ZNF71: variants seen among roughly 807,000 people sequenced by gnomAD.
ZNF71 encodes endothelial zinc finger protein induced by tumor necrosis factor alpha.
In ZNF71, 3 loss-of-function variants were observed where a neutral mutation model predicts 6.7. The ratio of observed to expected loss-of-function variants is 0.45; its 90% CI spans 0.20 to 1.16. The LOEUF (loss-of-function observed/expected upper bound fraction) is 1.16, where lower values mean the gene tolerates loss of function less well. Ranked by LOEUF, ZNF71 falls within the 50% of genes most tolerant of loss-of-function variation. The probability of loss-of-function intolerance (pLI) is 0.25; values close to 1 mark genes in which losing one functional copy is unlikely to be tolerated. For synonymous variants in ZNF71, 343 were observed against 311.1 expected (o/e 1.10, Z -1.08); for missense variants, 688 against 728.6 (o/e 0.94, Z 0.64).
chr19:56,612,298 G>C (rs981246938), intron 2 of ZNF71, among the ~76,000 whole-genome samples: 2 of 152,092 alleles, frequency 1.3e-5, no homozygotes, highest in Non-Finnish European at 2.9e-5. Context: ...GTCAACCTAA[G>C]TGCCCATCAA....
intron 3 of ZNF71, among the ~76,000 whole-genome samples, chr19:56,617,107 C>CTTTTTTTTTTTTTTTTTTTTTTTTTTTTT (rs200131241): frequency 8.5e-6 from 1 of 117,096 alleles, no homozygotes; most frequent in Admixed American, 8.2e-5. Flanking sequence ...CTTCCATTTT[C>CTTTTTTTTTTTTTTTTTTTTTTTTTTTTT]TTTTGTTTTT....
At chr19:56,606,345 A>G (rs1794723279) in intron 2 of ZNF71, among the ~76,000 whole-genome samples, 1 of 152,214 alleles carries the variant, frequency 6.6e-6, no homozygotes, top group Non-Finnish European at 1.5e-5. Flanking sequence ...TAGAATATGT[A>G]TTAGATACCA....
intron 3 of ZNF71, among the ~76,000 whole-genome samples, chr19:56,620,454 G>A (rs2044834876): frequency 6.6e-6 from 1 of 152,132 alleles, no homozygotes; most frequent in South Asian, 2.1e-4. Flanking sequence ...AAGGAGTAGA[G>A]AATAACCAAC....
intron 1 of ZNF71, among the ~76,000 whole-genome samples, chr19:56,597,841 T>C (rs1392476023): frequency 6.6e-6 from 1 of 152,188 alleles, no homozygotes; most frequent in Non-Finnish European, 1.5e-5. Context: ...TGCTGGGTTA[T>C]GGGATTTGTG....
intron 2 of ZNF71, among the ~76,000 whole-genome samples, chr19:56,612,396 CACATACACACAT>C (rs1206721879): frequency 6.6e-6 from 1 of 152,074 alleles, no homozygotes; most frequent in Non-Finnish European, 1.5e-5. Context: ...CACATTTATA[CACATACACACAT>C]ACATACACAC....
rs2044876727 is a variant in ZNF71, at chr19:56,622,921, C to T, written c.*164C>T. On this transcript the variant is annotated 3_prime_UTR_variant, in exon 4 of 4. Coordinates refer to ENST00000599599, the MANE Select transcript of ZNF71 (RefSeq NM_001370215.1). ...GAGGGGCTGGCTGATCACACATGCC[C>T]CCTCCTTACTGAGCCTCAGAAAGCA... The T allele has an allele frequency of 1.1e-6, 1 of 897,834 alleles. No homozygotes were observed. Among genetic ancestry groups the T allele is most frequent in the Admixed American group, 3.0e-5 (1 of 33,734 alleles). The allele number at this position is 897,834 out of a possible 1,614,324, so 55.6% of individuals were successfully genotyped here.
chr19:56,602,498 C>A (rs2044678540), intron 2 of ZNF71, among the ~76,000 whole-genome samples: 1 of 152,162 alleles, frequency 6.6e-6, no homozygotes, highest in Non-Finnish European at 1.5e-5. Context: ...TGCAATATTG[C>A]ACCATGATAA....
rs142952966 is a variant in ZNF71, at chr19:56,622,733, G to T, written c.1626G>T (p.Thr542=). 6.2e-7 allele frequency: 1 copy of T among 1,605,604 alleles called. No individual in the cohort carries two copies. Among genetic ancestry groups the T allele is most frequent in the East Asian group, 2.2e-5 (1 of 44,782 alleles). Residue 542 remains threonine, a synonymous_variant, in exon 4 of 4, where the codon ACG becomes ACT. Transcript: ENST00000599599. ...CCTTCAGCCGCAACACGAACCTGAC[G>T]CGCCACCTGCGGATTCACACCTGAG... ...GKTFSRNTNL[T]RHLRIHT is the part of the protein sequence containing the mutation.
At chr19:56,621,217 C>G in intron 3 of ZNF71, 51 bp from the exon 4 acceptor site, 2 of 1,500,700 alleles carry the variant, frequency 1.3e-6, no homozygotes. Context: ...TTCCTCACTC[C>G]CAGCATCTTT....
intron 1 of ZNF71, among the ~76,000 whole-genome samples, chr19:56,599,708 T>C (rs1441683187): frequency 1.3e-5 from 2 of 151,484 alleles, no homozygotes; most frequent in Non-Finnish European, 2.9e-5. Flanking sequence ...TTTTTTTTTT[T>C]TTTGAGATGG....
At chr19:56,612,378 ATGTATATCACATTT>A (rs2044758325) in intron 2 of ZNF71, among the ~76,000 whole-genome samples, 1 of 152,238 alleles carries the variant, frequency 6.6e-6, no homozygotes, top group South Asian at 2.1e-4. Context: ...TATAATATAT[ATGTATATCACATTT>A]ATACACATAC....
intron 2 of ZNF71, among the ~76,000 whole-genome samples, chr19:56,608,688 G>T (rs2032910198): frequency 6.6e-6 from 1 of 152,106 alleles, no homozygotes; most frequent in Admixed American, 6.5e-5. Flanking sequence ...AGGAACTGGG[G>T]ATCATTCGGG....
Position 56,621,553 on chromosome 19 carries a change from T to A in ZNF71, c.446T>A (p.Val149Asp). 1.9e-6 allele frequency: 3 copies of A among 1,614,142 alleles called. No homozygotes were observed. The highest frequency in any genetic ancestry group is 2.5e-6 in the Non-Finnish European group (3 of 1,180,032). Residue 149 changes from valine to aspartate, a missense_variant, in exon 4 of 4, where the codon GTC becomes GAC. Coordinates refer to ENST00000599599, the MANE Select transcript of ZNF71 (RefSeq NM_001370215.1). ...TTTGCCAACCAAGGCTGTGTCCTGG[T>A]CCCACCACGGCTGGACGACCCCACA... Reference protein sequence around the residue: ...KAFANQGCVLVPPRLDDPTEK... With the variant: ...KAFANQGCVLDPPRLDDPTEK...
chr19:56,601,325 A>G (rs946577201), intron 1 of ZNF71, among the ~76,000 whole-genome samples, 182 bp from the exon 2 acceptor site: 3 of 151,940 alleles, frequency 2.0e-5, no homozygotes, highest in African/African-American at 7.3e-5. Flanking sequence ...ATCAAGTGAT[A>G]TACATTCAAG....
chr19:56,601,669 C>T, intron 2 of ZNF71, 78 bp downstream of exon 2: 1 of 922,572 alleles, frequency 1.1e-6, no homozygotes, highest in Non-Finnish European at 1.3e-6. Flanking sequence ...CTCGAACCCT[C>T]TCCAAGGCCC....
chr19:56,608,024 T>C (rs1486401377), intron 2 of ZNF71, among the ~76,000 whole-genome samples: 3 of 152,194 alleles, frequency 2.0e-5, no homozygotes, highest in Non-Finnish European at 2.9e-5. Flanking sequence ...CCAAAGTGAG[T>C]AATCCAAGGG....
At position 56,622,012 on chromosome 19, in the gene ZNF71, A is replaced by C; in HGVS notation, c.905A>C (p.Tyr302Ser). 1 of 1,613,256 alleles carries C rather than the reference A, an allele frequency of 6.2e-7. No homozygotes were observed. Among genetic ancestry groups the C allele is most frequent in the Non-Finnish European group, 8.5e-7 (1 of 1,179,584 alleles). The change falls in exon 4 of 4, where the codon TAC becomes TCC. Residue 302 changes from tyrosine (Y) to serine (S), a missense_variant. Physicochemically the swap from Tyr to Ser is moderately radical, Grantham distance 144 (BLOSUM62 -2). Coordinates refer to ENST00000599599, the MANE Select transcript of ZNF71 (RefSeq NM_001370215.1). ...CGGATCCACACGGGGGAGAAGCCCTACGCGTGCGGGGACTGCGGCAAGGCC... is the reference window on the plus strand; with the variant it reads ...CGGATCCACACGGGGGAGAAGCCCTCCGCGTGCGGGGACTGCGGCAAGGCC... ...HERIHTGEKP[Y>S]ACGDCGKAFS...
chr19:56,602,533 C>T (rs768149236), intron 2 of ZNF71, among the ~76,000 whole-genome samples: 18 of 152,174 alleles, frequency 1.2e-4, no homozygotes, highest in Non-Finnish European at 1.9e-4. Flanking sequence ...ATATAAATGA[C>T]AAATGCTATA....
chr19:56,623,153 T>G lies in ZNF71; in HGVS notation c.*396T>G. Reference sequence around the variant, plus strand: ...GGGAGGGAGGAGACATCTCCCTCTTTGTCAGATACATCCTGGAGTCCAGAT... The same window carrying G: ...GGGAGGGAGGAGACATCTCCCTCTTGGTCAGATACATCCTGGAGTCCAGAT... On this transcript the variant is annotated 3_prime_UTR_variant, in exon 4 of 4. Coordinates refer to ENST00000599599, the MANE Select transcript of ZNF71 (RefSeq NM_001370215.1). The G allele has an allele frequency of 4.6e-6, 1 of 216,030 alleles. No homozygotes were observed. The highest frequency in any genetic ancestry group is 1.0e-5 in the Non-Finnish European group (1 of 98,156). The allele number at this position is 216,030 out of a possible 1,614,324, so 13.4% of individuals were successfully genotyped here.
Sources: gnomAD v4.1 joint callset for allele counts (sites outside exome capture counted in the v4.1 genomes callset) on GRCh38, gnomAD v4.1.1 for gene constraint, MANE v1.5 for transcripts, NCBI Gene and HGNC (gene_info 2026-07-23, HGNC 2026-07-21) for gene names.